ARHGAP15: variants seen among roughly 807,000 people sequenced by gnomAD.
ARHGAP15 encodes the protein rho GTPase-activating protein 15.
In ARHGAP15, 51 loss-of-function variants were observed where a neutral mutation model predicts 63.7. That is an observed-to-expected ratio of 0.80 (90% confidence interval 0.64 to 1.01). ARHGAP15 has a LOEUF of 1.01. ARHGAP15 is among the 50% of genes least tolerant of loss of function. The pLI, the probability that ARHGAP15 is intolerant of heterozygous loss-of-function variation, is 0.00. For missense variants in ARHGAP15, 560 were observed against 564.6 expected, an observed-to-expected ratio of 0.99 and a Z score of 0.08; for synonymous variants, 191 against 193.8, an observed-to-expected ratio of 0.99 and a Z score of 0.12.
At chr2:143,388,453 G>A (rs1241103310) in intron 6 of ARHGAP15, among the ~76,000 whole-genome samples, 1 of 152,182 alleles carries the variant, frequency 6.6e-6, no homozygotes, top group African/African-American at 2.4e-5. Context: ...GAAATTATGT[G>A]ATACACTACA....
intron 6 of ARHGAP15, among the ~76,000 whole-genome samples, chr2:143,402,804 G>A (rs1213289846): frequency 6.6e-6 from 1 of 151,850 alleles, no homozygotes; most frequent in Non-Finnish European, 1.5e-5. Flanking sequence ...ATCTAATAGA[G>A]TAGAGAAACA....
intron 6 of ARHGAP15, among the ~76,000 whole-genome samples, chr2:143,426,856 T>C (rs1689157076): frequency 6.6e-6 from 1 of 152,224 alleles, no homozygotes; most frequent in Admixed American, 6.5e-5. Context: ...TTCTGTTCTC[T>C]GAATGTAAAA....
chr2:143,709,896 A>G (rs1446778148), intron 13 of ARHGAP15, among the ~76,000 whole-genome samples: 1 of 152,248 alleles, frequency 6.6e-6, no homozygotes, highest in Non-Finnish European at 1.5e-5. Context: ...CAAAGCCCAC[A>G]GCCATCACCC....
chr2:143,139,033 C>T (rs935354875), intron 1 of ARHGAP15, among the ~76,000 whole-genome samples: 6 of 151,932 alleles, frequency 3.9e-5, no homozygotes, highest in African/African-American at 7.3e-5. Flanking sequence ...TCTCTTTTGA[C>T]GTTCTTATAA....
intron 2 of ARHGAP15, among the ~76,000 whole-genome samples, chr2:143,201,752 T>G (rs1323069815): frequency 6.6e-6 from 1 of 152,162 alleles, no homozygotes; most frequent in Admixed American, 6.5e-5. Flanking sequence ...GTGAAGGTTC[T>G]CAGAGGACAC....
At position 143,480,352 on chromosome 2, in the gene ARHGAP15, A is replaced by C. The variant is rs143150452; in HGVS notation, c.704-7021A>C. Among the ~76,000 whole-genome samples the C allele has an allele frequency of 7.9e-5, 12 of 152,352 alleles. No homozygotes were observed. The East Asian group carries it at 2.3e-3, about 29-fold the overall frequency. ...TTTAACTACTTAAAGTTGATAATGCAGTCTAAAAGTAAACATTTTAATTGT... is the reference window on the plus strand; with the variant it reads ...TTTAACTACTTAAAGTTGATAATGCCGTCTAAAAGTAAACATTTTAATTGT... On this transcript the variant is annotated intron_variant, in intron 8 of 13. Transcript: ENST00000295095.
intron 5 of ARHGAP15, among the ~76,000 whole-genome samples, chr2:143,249,198 A>G (rs989661863): frequency 6.6e-6 from 1 of 152,182 alleles, no homozygotes; most frequent in Non-Finnish European, 1.5e-5. Context: ...AATAACAACA[A>G]CAAAAAAGGT....
intron 13 of ARHGAP15, among the ~76,000 whole-genome samples, chr2:143,740,341 C>A (rs1379625146): frequency 6.6e-6 from 1 of 152,166 alleles, no homozygotes; most frequent in Non-Finnish European, 1.5e-5. Context: ...ATATTAGGAA[C>A]AACAGATACA....
intron 6 of ARHGAP15, among the ~76,000 whole-genome samples, chr2:143,431,899 C>T (rs539056246): frequency 6.6e-6 from 1 of 152,106 alleles, no homozygotes; most frequent in African/African-American, 2.4e-5. Context: ...GGCTCTCAAA[C>T]AGGGTAGCAC....
chr2:143,533,411 T>C (rs541364431), intron 10 of ARHGAP15: 1 of 152,276 alleles, frequency 6.6e-6, no homozygotes, highest in South Asian at 2.1e-4. Flanking sequence ...ATTACATTAC[T>C]CCATGATGTC....
chr2:143,373,629 C>CAAAAAAAAAA (rs58153000), intron 6 of ARHGAP15, among the ~76,000 whole-genome samples: 5 of 62,970 alleles, frequency 7.9e-5, no homozygotes, highest in Non-Finnish European at 1.5e-4. Context: ...GACTCTATCT[C>CAAAAAAAAAA]AAAAAAAAAA....
At chr2:143,334,493 C>T (rs1403024084) in intron 6 of ARHGAP15, among the ~76,000 whole-genome samples, 1 of 152,030 alleles carries the variant, frequency 6.6e-6, no homozygotes, top group African/African-American at 2.4e-5. Flanking sequence ...ATTTCAGATT[C>T]ATGCCATTAA....
intron 8 of ARHGAP15, among the ~76,000 whole-genome samples, chr2:143,461,666 C>T (rs986433648): frequency 7.9e-5 from 12 of 152,212 alleles, no homozygotes; most frequent in Non-Finnish European, 1.5e-5. Flanking sequence ...ACAAATTAAC[C>T]ATTTTTCAGT....
chr2:143,749,017 AC>A (rs1192252155), intron 13 of ARHGAP15, among the ~76,000 whole-genome samples: 1 of 152,160 alleles, frequency 6.6e-6, no homozygotes, highest in Admixed American at 6.5e-5. Flanking sequence ...AAAAAAATAC[AC>A]ATTACAACTC....
chr2:143,610,160 C>T (rs1326173040), intron 11 of ARHGAP15, among the ~76,000 whole-genome samples: 3 of 151,778 alleles, frequency 2.0e-5, no homozygotes, highest in South Asian at 4.2e-4. Context: ...AAAGAGGCCT[C>T]GAATGATGGA....
chr2:143,330,145 AC>A (rs1684479621), intron 6 of ARHGAP15, among the ~76,000 whole-genome samples: 3 of 137,470 alleles, frequency 2.2e-5, no homozygotes, highest in East Asian at 2.2e-4. Flanking sequence ...AAAACAAAAA[AC>A]TAAACTAATG....
At chr2:143,281,359 T>A (rs1261676014) in intron 6 of ARHGAP15, among the ~76,000 whole-genome samples, 1 of 152,170 alleles carries the variant, frequency 6.6e-6, no homozygotes, top group Non-Finnish European at 1.5e-5. Context: ...TTGGATGAAG[T>A]CTTTTATACA....
At chr2:143,165,990 G>GAAAC (rs1175444161) in intron 2 of ARHGAP15, among the ~76,000 whole-genome samples, 1 of 126,624 alleles carries the variant, frequency 7.9e-6, no homozygotes, top group Non-Finnish European at 1.7e-5. Flanking sequence ...AAGAAAGAAA[G>GAAAC]AAAGAAAGAA....
intron 8 of ARHGAP15, among the ~76,000 whole-genome samples, chr2:143,462,405 A>G (rs1255626838): frequency 6.6e-6 from 1 of 152,224 alleles, no homozygotes; most frequent in Non-Finnish European, 1.5e-5. Context: ...ATTCCTGACC[A>G]TTAAGTCTTC....
Sources: gnomAD v4.1 joint callset for allele counts (sites outside exome capture counted in the v4.1 genomes callset) on GRCh38, gnomAD v4.1.1 for gene constraint, MANE v1.5 for transcripts, NCBI Gene and HGNC (gene_info 2026-07-23, HGNC 2026-07-21) for gene names.